PPP1R9B: variants seen among roughly 807,000 people sequenced by gnomAD.
PPP1R9B encodes neurabin-2.
A neutral mutation model predicts 75.8 loss-of-function variants in PPP1R9B; 17 were observed. That is an observed-to-expected ratio of 0.22 (90% CI 0.15 to 0.34). The LOEUF (loss-of-function observed/expected upper bound fraction) is 0.34. PPP1R9B is among the 10% of genes least tolerant of loss of function. PPP1R9B has a pLI of 1.00. For missense variants in PPP1R9B, 875 were observed against 1,196.0 expected (o/e 0.73, Z 3.96); for synonymous variants, 509 against 535.4 (o/e 0.95, Z 0.68).
chr17:50,139,456 G>C lies in PPP1R9B; in HGVS notation c.1992C>G (p.Pro664=). Residue 664 remains proline, a synonymous_variant, in exon 6 of 10, where the codon CCC becomes CCG. Coordinates refer to ENST00000612501, the MANE Select transcript of PPP1R9B (RefSeq NM_032595.5). The surrounding 1 kb of genome is among the most constrained non-coding windows in gnomAD (Gnocchi z 5.0). The part of the protein sequence containing the change: ...EDALSPVDME[P]EKLVHKFKEL... ...CCTTGAACTTGTGCACCAGCTTCTCGGGCTCCATGTCCACAGGGGACAGTG... is the reference window on the plus strand; with the variant it reads ...CCTTGAACTTGTGCACCAGCTTCTCCGGCTCCATGTCCACAGGGGACAGTG... 3.7e-6 allele frequency: 6 copies of C among 1,604,268 alleles called. No individual in the cohort carries two copies. Among genetic ancestry groups the C allele is most frequent in the Non-Finnish European group, 5.1e-6 (6 of 1,173,154 alleles).
rs1446442504 is a variant in PPP1R9B at position 50,142,036 on chromosome 17, G to C, written c.1626-663C>G. ...TACGTGTACATTTCTGCACAGAACT[G>C]AGTGCACAGATGTCCTCCCAAGTCC... On this transcript the variant is annotated intron_variant, in intron 3 of 9. Transcript: ENST00000612501. This position sits in a 1 kb window ranked among gnomAD's most constrained non-coding sequence, Gnocchi z 4.1. Among the ~76,000 whole-genome samples, 1 of 152,172 alleles carries C rather than the reference G, an allele frequency of 6.6e-6. No homozygotes were observed. Among genetic ancestry groups the C allele is most frequent in the African/African-American group, 2.4e-5 (1 of 41,434 alleles).
At position 50,139,958 on chromosome 17, in the gene PPP1R9B, A is replaced by T; in HGVS notation, c.1866+135T>A. The T allele has an allele frequency of 2.1e-6, 2 of 972,418 alleles. No individual in the cohort carries two copies. The highest frequency in any genetic ancestry group is 3.0e-6 in the Non-Finnish European group (2 of 668,594). The allele number at this position is 972,418 out of a possible 1,614,324, so 60.2% of individuals were successfully genotyped here. A position where few individuals can be genotyped will look rare whatever the true frequency, so the allele number is the denominator to read the frequency against. On this transcript the variant is annotated intron_variant, in intron 5 of 9. Coordinates refer to ENST00000612501, the MANE Select transcript of PPP1R9B (RefSeq NM_032595.5). This position sits in a 1 kb window ranked among gnomAD's most constrained non-coding sequence, Gnocchi z 5.0. ...CCTTGTCCGGCCTCTGAAGACAAAG[A>T]GTGTGACTGGAGGACAGGGAATGGC...
intron 1 of PPP1R9B, among the ~76,000 whole-genome samples, 199 bp downstream of exon 1, chr17:50,148,944 C>A (rs1912593965): frequency 6.6e-6 from 1 of 152,146 alleles, no homozygotes; most frequent in South Asian, 2.1e-4. Context: ...AGGCCACCCC[C>A]CTCGCACACC....
rs138449184 is a variant in PPP1R9B, at chr17:50,141,828, G to A, written c.1626-455C>T. 5.1e-3 allele frequency among the ~76,000 whole-genome samples: 778 copies of A among 152,306 alleles called. 21 individuals carry two copies. The highest frequency in any genetic ancestry group is 0.041 in the Admixed American group (631 of 15,296). On this transcript the variant is annotated intron_variant, in intron 3 of 9. Transcript: ENST00000612501. ...CCACCTGTGTGGGCAGTGAGAGCCAGGCAAGCAAAGCAGACACAGGCGTCC... is the reference window on the plus strand; with the variant it reads ...CCACCTGTGTGGGCAGTGAGAGCCAAGCAAGCAAAGCAGACACAGGCGTCC...
rs942216042 is a variant in PPP1R9B at position 50,142,173 on chromosome 17, C to T, written c.1626-800G>A. ...TCCCCTGAAGCCCGTGTTCTCCATA[C>T]AAGGGGAGGTTCAGTCTGGCCTGCT... On this transcript the variant is annotated intron_variant, in intron 3 of 9. Transcript: ENST00000612501. The surrounding 1 kb of genome is among the most constrained non-coding windows in gnomAD (Gnocchi z 4.1). 1.1e-4 allele frequency among the ~76,000 whole-genome samples: 16 copies of T among 152,188 alleles called. No individual in the cohort carries two copies. Among genetic ancestry groups the T allele is most frequent in the African/African-American group, 3.9e-4 (16 of 41,440 alleles).
intron 3 of PPP1R9B, among the ~76,000 whole-genome samples, chr17:50,143,335 G>A (rs141945053): frequency 2.0e-5 from 3 of 152,226 alleles, no homozygotes; most frequent in Non-Finnish European, 4.4e-5. Context: ...CACAACACAC[G>A]CCTATAGCCC....
chr17:50,135,303 T>C lies in PPP1R9B; in HGVS notation c.*28A>G, dbSNP rs1272734730. The C allele has an allele frequency of 2.5e-6, 4 of 1,590,726 alleles. No homozygotes were observed. In the African/African-American group the frequency reaches 5.4e-5, roughly 21 times the overall value. On this transcript the variant is annotated 3_prime_UTR_variant, in exon 10 of 10. Coordinates refer to ENST00000612501, the MANE Select transcript of PPP1R9B (RefSeq NM_032595.5). ...GGGAGGACAATGGGAGGGGGGTTAA[T>C]TATTGTCCAGTCATGGAATGATTCC...
intron 1 of PPP1R9B, among the ~76,000 whole-genome samples, chr17:50,148,293 G>GA (rs1211557947): frequency 2.6e-5 from 4 of 152,250 alleles, no homozygotes; most frequent in African/African-American, 9.6e-5. Context: ...GGCTCCCAGA[G>GA]AATGTGGCAA....
At chr17:50,135,944 C>A in intron 8 of PPP1R9B, 24 bp downstream of exon 8, 1 of 1,410,294 alleles carries the variant, frequency 7.1e-7, no homozygotes, top group Non-Finnish European at 9.8e-7. Flanking sequence ...CTGGGCCCAG[C>A]CCGCCCAGCC....
rs2144462947 is a variant in PPP1R9B at position 50,150,255 on chromosome 17, A to G, written c.259T>C (p.Ser87Pro). The change falls in exon 1 of 10, where the codon TCC becomes CCC. Residue 87 changes from serine (S) to proline (P), a missense_variant. Coordinates refer to ENST00000612501, the MANE Select transcript of PPP1R9B (RefSeq NM_032595.5). This position sits in a 1 kb window ranked among gnomAD's most constrained non-coding sequence, Gnocchi z 8.7. ...GAGLAEAPRASERGVRLSLPR... is the reference protein window; with the variant it reads ...GAGLAEAPRAPERGVRLSLPR... ...AGCGACAGGCGCACGCCGCGCTCGG[A>G]CGCCCGTGGGGCCTCGGCCAGGCCC... is the stretch of plus-strand genomic sequence containing the variant. 1 of 1,438,018 alleles carries G rather than the reference A, an allele frequency of 7.0e-7. No individual in the cohort carries two copies. Among genetic ancestry groups the G allele is most frequent in the Non-Finnish European group, 9.2e-7 (1 of 1,088,608 alleles). 89.1% of individuals were successfully genotyped at this position (1,438,018 alleles called of 1,614,324 possible). A position where few individuals can be genotyped will look rare whatever the true frequency, so the allele number is the denominator to read the frequency against.
chr17:50,140,077 G>A lies in PPP1R9B; in HGVS notation c.1866+16C>T. 1 of 1,612,054 alleles carries A rather than the reference G, an allele frequency of 6.2e-7. No homozygotes were observed. The highest frequency in any genetic ancestry group is 8.5e-7 in the Non-Finnish European group (1 of 1,179,136). On this transcript the variant is annotated intron_variant, in intron 5 of 9. Transcript: ENST00000612501. ...CAGGGGGCGACCACGCGGCCAGCCAGGCAGGGACTCCCTACCTCCTCGTCA... is the reference window on the plus strand; with the variant it reads ...CAGGGGGCGACCACGCGGCCAGCCAAGCAGGGACTCCCTACCTCCTCGTCA...
chr17:50,142,356 G>A lies in PPP1R9B; in HGVS notation c.1626-983C>T, dbSNP rs1266282551. Among the ~76,000 whole-genome samples, 1 of 152,184 alleles carries A rather than the reference G, an allele frequency of 6.6e-6. No homozygotes were observed. Among genetic ancestry groups the A allele is most frequent in the Non-Finnish European group, 1.5e-5 (1 of 68,040 alleles). ...ACACATGCCACTCCCAGGTGGGCAT[G>A]AGTGAGTGGCCACGGCCACCATGCA... On this transcript the variant is annotated intron_variant, in intron 3 of 9. Coordinates refer to ENST00000612501, the MANE Select transcript of PPP1R9B (RefSeq NM_032595.5). The surrounding 1 kb of genome is among the most constrained non-coding windows in gnomAD (Gnocchi z 4.1).
chr17:50,150,431 TG>T lies in PPP1R9B; in HGVS notation c.82del (p.Gln28ArgfsTer3). 7.2e-7 allele frequency: 1 copy of T among 1,384,592 alleles called. No homozygotes were observed. Among genetic ancestry groups the T allele is most frequent in the Non-Finnish European group, 9.4e-7 (1 of 1,064,160 alleles). The allele number at this position is 1,384,592 out of a possible 1,614,324, so 85.8% of individuals were successfully genotyped here. A position where few individuals can be genotyped will look rare whatever the true frequency, so the allele number is the denominator to read the frequency against. ...GGGCGCGTCGGGCGGCTTCAGCGCC[TG>T]GATGCCCGCCTCGTAGGCGCTGCGG... ...PHRSAYEAGIQALKPPDAPGP... is the reference protein window; with the variant it reads ...PHRSAYEAGIXALKPPDAPGP... On this transcript the variant is annotated frameshift_variant, in exon 1 of 10. Transcript: ENST00000612501. LOFTEE classifies it high-confidence loss of function. This position sits in a 1 kb window ranked among gnomAD's most constrained non-coding sequence, Gnocchi z 8.7.
At chr17:50,141,763 G>A (rs183486297) in intron 3 of PPP1R9B, among the ~76,000 whole-genome samples, 2 of 152,204 alleles carry the variant, frequency 1.3e-5, no homozygotes, top group East Asian at 1.9e-4. Context: ...GTCTACCTGC[G>A]TAACATTCAC....
Position 50,149,815 on chromosome 17 carries a change from G to A in PPP1R9B, c.699C>T (p.Ala233=), listed in dbSNP as rs890779820. The change falls in exon 1 of 10, where the codon GCC becomes GCT. Residue 233 remains alanine (A), a synonymous_variant. Transcript: ENST00000612501. This position sits in a 1 kb window ranked among gnomAD's most constrained non-coding sequence, Gnocchi z 7.2. ...GLHRGPGLPR[A]AGVPQVNSKL... is the part of the protein sequence containing the mutation. ...TCGAGTTGACCTGGGGAACCCCTGC[G>A]GCCCTGGGGAGCCCGGGCCCGCGGT... 35 of 1,430,244 alleles carry A rather than the reference G, an allele frequency of 2.4e-5. No individual in the cohort carries two copies. The highest frequency in any genetic ancestry group is 4.5e-5 in the African/African-American group (3 of 66,332). 88.6% of individuals were successfully genotyped at this position (1,430,244 alleles called of 1,614,324 possible).
Position 50,134,023 on chromosome 17 carries a change from G to A in PPP1R9B, c.*1308C>T, listed in dbSNP as rs2144435505. The A allele has an allele frequency of 6.5e-6, 1 of 152,750 alleles. No individual in the cohort carries two copies. The highest frequency in any genetic ancestry group is 1.9e-4 in the East Asian group (1 of 5,180). 9.5% of individuals were successfully genotyped at this position (152,750 alleles called of 1,614,324 possible). The stretch of plus-strand genomic sequence containing the variant: ...GTGGGGACAAGAAATACTGATCGAA[G>A]TCATGGTCTATTTACAGGGGACAAG... On this transcript the variant is annotated 3_prime_UTR_variant, in exon 10 of 10. Transcript: ENST00000612501.
chr17:50,140,152 G>A lies in PPP1R9B; in HGVS notation c.1807C>T (p.Arg603Ter). Residue 603 changes from arginine to a stop codon, truncating the protein, a stop_gained, in exon 5 of 10, where the codon CGA (arginine) becomes TGA (stop). Transcript: ENST00000612501. LOFTEE classifies it high-confidence loss of function. ...TGCTCCATCATCTCCCGCTGCCATC[G>A]CTCCTGTTCCAAAGTCTGCTGAATT... is the stretch of plus-strand genomic sequence containing the variant. The part of the protein sequence containing the change: ...QLIQQTLEQE[R>*]WQREMMEQRY... 6.2e-7 allele frequency: 1 copy of A among 1,612,906 alleles called. No homozygotes were observed. The highest frequency in any genetic ancestry group is 1.7e-5 in the Admixed American group (1 of 59,862).
chr17:50,148,895 C>A (rs1051718702), intron 1 of PPP1R9B, among the ~76,000 whole-genome samples: 3 of 151,664 alleles, frequency 2.0e-5, no homozygotes, highest in Admixed American at 1.3e-4. Flanking sequence ...AGCGGCGGGG[C>A]GGGGCAGCAG....
Position 50,149,644 on chromosome 17 carries a change from G to C in PPP1R9B, c.870C>G (p.Pro290=). 1.3e-6 allele frequency: 2 copies of C among 1,517,876 alleles called. No individual in the cohort carries two copies. Among genetic ancestry groups the C allele is most frequent in the Non-Finnish European group, 8.8e-7 (1 of 1,135,894 alleles). The allele number at this position is 1,517,876 out of a possible 1,614,324, so 94.0% of individuals were successfully genotyped here. The change falls in exon 1 of 10, where the codon CCC becomes CCG. Residue 290 remains proline (P), a synonymous_variant. Coordinates refer to ENST00000612501, the MANE Select transcript of PPP1R9B (RefSeq NM_032595.5). The surrounding 1 kb of genome is among the most constrained non-coding windows in gnomAD (Gnocchi z 7.2). ...TAATCTTGCGCACCTCCCGGGGCTT[G>C]GGGGGCGGCCGGGCAGGGGCCACTC... The part of the protein sequence containing the change: ...QHRVAPARPP[P]KPREVRKIKP...
Sources: allele counts gnomAD v4.1 joint callset (sites outside exome capture counted in the v4.1 genomes callset), GRCh38; gene constraint gnomAD v4.1.1; non-coding constraint Gnocchi (gnomAD v3.1); transcripts MANE v1.5; gene names NCBI Gene and HGNC (gene_info 2026-07-23, HGNC 2026-07-21).